Variants in GON4L observed in about 807,000 individuals in gnomAD.
GON4L encodes the protein GON-4-like protein.
In GON4L, 87 loss-of-function variants were observed where a neutral mutation model predicts 211.8. The observed-to-expected ratio is 0.41, with a 90% CI of 0.35 to 0.49. The LOEUF (loss-of-function observed/expected upper bound fraction) is 0.49. GON4L is among the 20% of genes least tolerant of loss of function. The pLI is 0.15. For missense variants in GON4L, 2,155 were observed against 2,659.5 expected (o/e 0.81, Z 4.17); for synonymous variants, 875 against 962.6 (o/e 0.91, Z 1.68).
chr1:155,847,623 ACC>A (rs1671371043), intron 2 of GON4L, among the ~76,000 whole-genome samples: 1 of 152,034 alleles, frequency 6.6e-6, no homozygotes, highest in South Asian at 2.1e-4. Flanking sequence ...AATCGCTTGA[ACC>A]CAGGAGGTGG....
chr1:155,791,210 C>T (rs1665516926), intron 12 of GON4L, among the ~76,000 whole-genome samples: 1 of 151,558 alleles, frequency 6.6e-6, no homozygotes, highest in Non-Finnish European at 1.5e-5. Flanking sequence ...TGCAGTGAGC[C>T]GAGATCACAC....
At position 155,822,385 on chromosome 1, in the gene GON4L, C is replaced by T; in HGVS notation, c.789G>A (p.Leu263=). ...KRDGRGQEGT[L]AYDLKLDDML... is the part of the protein sequence containing the mutation. ...TGTCATCCAGTTTCAGGTCATATGCCAAGGTCCCTTCTTGACCCCTTCCAT... is the reference window on the plus strand; with the variant it reads ...TGTCATCCAGTTTCAGGTCATATGCTAAGGTCCCTTCTTGACCCCTTCCAT... The change falls in exon 4 of 32, where the codon TTG becomes TTA. Residue 263 remains leucine, a synonymous_variant. Transcript: ENST00000368331. The T allele has an allele frequency of 1.2e-6, 2 of 1,613,660 alleles. No individual in the cohort carries two copies. The highest frequency in any genetic ancestry group is 1.1e-5 in the South Asian group (1 of 91,074).
intron 5 of GON4L, among the ~76,000 whole-genome samples, chr1:155,821,135 AG>A (rs1218751049): frequency 6.6e-6 from 1 of 152,010 alleles, no homozygotes; most frequent in African/African-American, 2.4e-5. Context: ...GCGTGGTTGC[AG>A]GCCCCTGTAG....
intron 2 of GON4L, among the ~76,000 whole-genome samples, chr1:155,844,782 C>A (rs548840548): frequency 6.6e-6 from 1 of 151,778 alleles, no homozygotes; most frequent in African/African-American, 2.4e-5. Context: ...ATAACAACAA[C>A]AAAAAAAACC....
In GON4L at chr1:155,763,293, A is replaced by G. The variant is rs1015328918; in HGVS notation, c.4726+19T>C. On this transcript the variant is annotated intron_variant, in intron 22 of 31. Coordinates refer to ENST00000368331, the MANE Select transcript of GON4L (RefSeq NM_001282860.2). The stretch of plus-strand genomic sequence containing the variant: ...GGTTAAGTGAGAATGGTCCTTCAGT[A>G]TAGGTTTGCCTAGCTCACCTGGTGG... 9.3e-6 allele frequency: 15 copies of G among 1,612,230 alleles called. No individual in the cohort carries two copies. The African/African-American group carries it at 2.0e-4, about 22-fold the overall frequency.
At chr1:155,783,219 CT>C (rs1398812476) in intron 14 of GON4L, among the ~76,000 whole-genome samples, 1 of 152,144 alleles carries the variant, frequency 6.6e-6, no homozygotes, top group African/African-American at 2.4e-5. Flanking sequence ...GTTGGCATAT[CT>C]TATCTTTTTT....
upstream of GON4L, among the ~76,000 whole-genome samples, chr1:155,858,499 G>A (rs927203805): frequency 2.0e-5 from 3 of 152,038 alleles, no homozygotes; most frequent in Non-Finnish European, 4.4e-5. Flanking sequence ...CCAGAAGCTC[G>A]GAGTTTCATG....
At chr1:155,846,693 C>T (rs1048964719) in intron 2 of GON4L, 6 of 151,878 alleles carry the variant, frequency 4.0e-5, no homozygotes, top group African/African-American at 1.5e-4. Flanking sequence ...CTGGGGGGTT[C>T]TTTTCCACTT....
intron 2 of GON4L, among the ~76,000 whole-genome samples, chr1:155,850,866 T>TGA (rs1041641132): frequency 2.1e-4 from 29 of 140,886 alleles, no homozygotes; most frequent in Admixed American, 8.5e-4. Flanking sequence ...GTGGCCAGCA[T>TGA]GGTGAAACCC....
intron 11 of GON4L, among the ~76,000 whole-genome samples, chr1:155,796,908 T>G (rs1308419308): frequency 6.6e-6 from 1 of 152,128 alleles, no homozygotes; most frequent in Non-Finnish European, 1.5e-5. Flanking sequence ...GATCTCTATG[T>G]ATTATAATGG....
intron 2 of GON4L, among the ~76,000 whole-genome samples, chr1:155,837,114 T>C (rs1670383626): frequency 6.6e-6 from 1 of 152,130 alleles, no homozygotes; most frequent in Non-Finnish European, 1.5e-5. Context: ...TGTCATTCCA[T>C]CCACTTCAGC....
At chr1:155,780,608 AAT>A (rs1571718576) in intron 14 of GON4L, among the ~76,000 whole-genome samples, 1 of 152,128 alleles carries the variant, frequency 6.6e-6, no homozygotes, top group East Asian at 1.9e-4. Context: ...AATAAAATAA[AAT>A]AAATAAATAA....
chr1:155,823,896 C>A lies in GON4L; in HGVS notation c.698-1420G>T, dbSNP rs546788165. ...CGACGGAGCAAGATTCACACACACA[C>A]ACAAAAAAACCATTTGCTAAATCAA... On this transcript the variant is annotated intron_variant, in intron 3 of 31. Coordinates refer to ENST00000368331, the MANE Select transcript of GON4L (RefSeq NM_001282860.2). Among the ~76,000 whole-genome samples the A allele has an allele frequency of 3.6e-3, 534 of 150,164 alleles. 3 individuals carry two copies. Among genetic ancestry groups the A allele is most frequent in the South Asian group, 0.031 (145 of 4,738 alleles).
At chr1:155,774,862 G>A in intron 17 of GON4L, 140 bp downstream of exon 17, 2 of 860,040 alleles carry the variant, frequency 2.3e-6, no homozygotes, top group Non-Finnish European at 3.8e-6. Context: ...TACAAAGGGA[G>A]GATAAAAGAG....
At chr1:155,770,617 G>T (rs1663094951) in intron 19 of GON4L, among the ~76,000 whole-genome samples, 1 of 152,238 alleles carries the variant, frequency 6.6e-6, no homozygotes, top group African/African-American at 2.4e-5. Context: ...GGGAGGCCAA[G>T]GCGGGTGGAT....
chr1:155,775,620 G>C (rs1162224282), intron 16 of GON4L, among the ~76,000 whole-genome samples: 1 of 151,682 alleles, frequency 6.6e-6, no homozygotes, highest in Non-Finnish European at 1.5e-5. Context: ...TACCACGCCC[G>C]GCTATTTTTT....
chr1:155,841,681 T>A, intron 2 of GON4L, among the ~76,000 whole-genome samples: 1 of 152,170 alleles, frequency 6.6e-6, no homozygotes. Context: ...CTGGGGCAGG[T>A]AGCACACCAC....
chr1:155,818,301 G>A (rs1001533010), intron 6 of GON4L, among the ~76,000 whole-genome samples: 9 of 151,920 alleles, frequency 5.9e-5, no homozygotes, highest in African/African-American at 1.9e-4. Flanking sequence ...TAGTAGAGAC[G>A]GGGTTTCGCC....
rs997209936 is a variant in GON4L, at chr1:155,848,885, C to A, written c.505+4391G>T. Among the ~76,000 whole-genome samples the A allele has an allele frequency of 2.0e-5, 3 of 152,200 alleles. No homozygotes were observed. The East Asian group carries it at 5.8e-4, about 29-fold the overall frequency. Reference sequence around the variant, plus strand: ...ATTGTAGGTCGGGCGCGGTGGCTCACGCCTGTAATCCCAGCACTTTGGGAG... The same window carrying A: ...ATTGTAGGTCGGGCGCGGTGGCTCAAGCCTGTAATCCCAGCACTTTGGGAG... On this transcript the variant is annotated intron_variant, in intron 2 of 31. Transcript: ENST00000368331.
Sources: allele counts gnomAD v4.1 joint callset (sites outside exome capture counted in the v4.1 genomes callset), GRCh38; gene constraint gnomAD v4.1.1; transcripts MANE v1.5; gene names NCBI Gene and HGNC (gene_info 2026-07-23, HGNC 2026-07-21).